Variants in TWIST2 observed in about 807,000 individuals in gnomAD.
TWIST2 encodes the protein twist-related protein 2.
Under a neutral mutation model 11.6 loss-of-function variants are expected in TWIST2, and 1 was observed. That is an observed-to-expected ratio of 0.09 (90% CI 0.03 to 0.41). The LOEUF is 0.41. TWIST2 is among the 10% of genes least tolerant of loss of function. The pLI is 0.98. For synonymous variants in TWIST2, 87 were observed against 96.6 expected, an observed-to-expected ratio of 0.90 and a Z score of 0.58; for missense variants, 168 against 226.4, an observed-to-expected ratio of 0.74 and a Z score of 1.66.
chr2:238,850,086 G>C (rs1692218734), intron 1 of TWIST2, among the ~76,000 whole-genome samples: 1 of 152,218 alleles, frequency 6.6e-6, no homozygotes, highest in Non-Finnish European at 1.5e-5. Context: ...ACGAAAAGCT[G>C]ATCCAGCACA....
At chr2:238,857,925 A>G (rs962799022) in intron 1 of TWIST2, among the ~76,000 whole-genome samples, 1 of 152,138 alleles carries the variant, frequency 6.6e-6, no homozygotes, top group African/African-American at 2.4e-5. Context: ...CGACAAAGCG[A>G]GATTTCATCT....
chr2:238,904,943 A>G (rs1173473789), intron 1 of TWIST2, among the ~76,000 whole-genome samples: 1 of 152,028 alleles, frequency 6.6e-6, no homozygotes, highest in African/African-American at 2.4e-5. Flanking sequence ...GAATGGATCA[A>G]TGAAGAAATG....
chr2:238,865,437 C>A (rs1236425749), intron 1 of TWIST2, among the ~76,000 whole-genome samples: 1 of 152,246 alleles, frequency 6.6e-6, no homozygotes, highest in African/African-American at 2.4e-5. Context: ...TACACCCCTG[C>A]AGTCTGCTCT....
At chr2:238,861,922 G>T (rs1692443908) in intron 1 of TWIST2, among the ~76,000 whole-genome samples, 1 of 152,110 alleles carries the variant, frequency 6.6e-6, no homozygotes, top group Non-Finnish European at 1.5e-5. Context: ...GTATATATAG[G>T]GTTCCGTACC....
chr2:238,897,879 C>G (rs974743510), intron 1 of TWIST2, among the ~76,000 whole-genome samples: 3 of 152,188 alleles, frequency 2.0e-5, no homozygotes, highest in Non-Finnish European at 4.4e-5. Context: ...CAAGGAAACT[C>G]GTTCAGCAGA....
chr2:238,877,141 G>A (rs946605451), intron 1 of TWIST2, among the ~76,000 whole-genome samples: 11 of 152,106 alleles, frequency 7.2e-5, no homozygotes, highest in African/African-American at 1.7e-4. Context: ...AGGTTGCAGT[G>A]AGCTGAGATC....
chr2:238,868,846 G>A lies in TWIST2; in HGVS notation c.*35+20113G>A, dbSNP rs150688562. ...CTGGAGGGAGCGCTGCGTGCCGGCC[G>A]GTGCAGGGGCTTGTGTCCATTTGAT... is the stretch of plus-strand genomic sequence containing the variant. On this transcript the variant is annotated intron_variant, in intron 1 of 1. Transcript: ENST00000612363. Among the ~76,000 whole-genome samples the A allele has an allele frequency of 3.6e-3, 549 of 152,336 alleles. 2 individuals carry two copies. The highest frequency in any genetic ancestry group is 6.2e-3 in the Non-Finnish European group (425 of 68,030).
intron 1 of TWIST2, among the ~76,000 whole-genome samples, chr2:238,860,512 C>T (rs1027163394): frequency 3.9e-5 from 6 of 152,326 alleles, no homozygotes; most frequent in Middle Eastern, 3.4e-3. Context: ...TTTTGAGACA[C>T]TGATAGAAGC....
At chr2:238,857,166 G>A (rs909354935) in intron 1 of TWIST2, among the ~76,000 whole-genome samples, 4 of 152,140 alleles carry the variant, frequency 2.6e-5, no homozygotes, top group East Asian at 1.9e-4. Context: ...CCTGCATGAC[G>A]GGCGGGCCCT....
Position 238,899,385 on chromosome 2 carries a change from C to A in TWIST2, c.*36-10457C>A, listed in dbSNP as rs1693243211. Reference sequence around the variant, plus strand: ...TGCCCATAGACCAGGCAAGGCCAAGCCTTTCTGGTGAAGTAGCTCATTGAG... The same window carrying A: ...TGCCCATAGACCAGGCAAGGCCAAGACTTTCTGGTGAAGTAGCTCATTGAG... On this transcript the variant is annotated intron_variant, in intron 1 of 1. Transcript: ENST00000612363. Among the ~76,000 whole-genome samples, 4 of 152,258 alleles carry A rather than the reference C, an allele frequency of 2.6e-5. No individual in the cohort carries two copies. The South Asian group carries it at 8.3e-4, about 31-fold the overall frequency.
intron 1 of TWIST2, among the ~76,000 whole-genome samples, chr2:238,869,517 G>GGCCGGGCGCGGTGGCTCACGCCTGTAATC (rs1692607816): frequency 6.6e-6 from 1 of 152,172 alleles, no homozygotes; most frequent in Admixed American, 6.5e-5. Flanking sequence ...AAATTAGATA[G>GGCCGGGCGCGGTGGCTCACGCCTGTAATC]CCTGCATAAA....
chr2:238,900,998 T>C (rs1461352788), intron 1 of TWIST2, among the ~76,000 whole-genome samples: 2 of 151,414 alleles, frequency 1.3e-5, no homozygotes, highest in African/African-American at 4.9e-5. Flanking sequence ...TTTTTTTTTT[T>C]TTTCTGAGTC....
intron 1 of TWIST2, among the ~76,000 whole-genome samples, chr2:238,870,129 CA>C (rs1692623005): frequency 2.1e-5 from 2 of 97,104 alleles, no homozygotes; most frequent in Non-Finnish European, 2.4e-5. Flanking sequence ...ACCCCCCACA[CA>C]CACACCACAC....
At chr2:238,852,254 T>C (rs578024844) in intron 1 of TWIST2, among the ~76,000 whole-genome samples, 2 of 152,346 alleles carry the variant, frequency 1.3e-5, no homozygotes, top group African/African-American at 4.8e-5. Context: ...AATAAGCCAA[T>C]TTTAAAGGCT....
At chr2:238,861,944 C>T (rs530541821) in intron 1 of TWIST2, among the ~76,000 whole-genome samples, 29 of 152,306 alleles carry the variant, frequency 1.9e-4, no homozygotes, top group Middle Eastern at 3.4e-3. Context: ...TCCTTGGGAT[C>T]GAGCATCCGC....
At chr2:238,869,260 C>T (rs1017959354) in intron 1 of TWIST2, among the ~76,000 whole-genome samples, 12 of 152,194 alleles carry the variant, frequency 7.9e-5, no homozygotes, top group African/African-American at 2.7e-4. Context: ...TTGTTTACTG[C>T]CACGGAGATG....
chr2:238,893,123 A>T (rs1039476172), intron 1 of TWIST2, among the ~76,000 whole-genome samples: 7 of 152,160 alleles, frequency 4.6e-5, no homozygotes, highest in African/African-American at 1.7e-4. Context: ...GATTTCTGGG[A>T]CCTGGCATTG....
At chr2:238,875,952 C>A (rs1459609393) in intron 1 of TWIST2, among the ~76,000 whole-genome samples, 1 of 152,228 alleles carries the variant, frequency 6.6e-6, no homozygotes, top group Non-Finnish European at 1.5e-5. Flanking sequence ...TGCTATCCAG[C>A]AGGGCTGGAG....
At chr2:238,854,822 G>A (rs1446881289) in intron 1 of TWIST2, among the ~76,000 whole-genome samples, 2 of 152,140 alleles carry the variant, frequency 1.3e-5, no homozygotes, top group African/African-American at 4.8e-5. Context: ...GTACAATCTC[G>A]GGCTCTGCTG....
Sources: gnomAD v4.1 joint callset for allele counts (sites outside exome capture counted in the v4.1 genomes callset) on GRCh38, gnomAD v4.1.1 for gene constraint, MANE v1.5 for transcripts, NCBI Gene and HGNC (gene_info 2026-07-23, HGNC 2026-07-21) for gene names.